The following MAP4K4 variants were observed in gnomAD, a reference collection of about 807,000 sequenced individuals.
MAP4K4 encodes the protein HPK/GCK-like kinase HGK.
Under a neutral mutation model 189.6 loss-of-function variants are expected in MAP4K4, and 38 were observed. That is an observed-to-expected ratio of 0.20 (90% CI 0.15 to 0.26). The LOEUF (loss-of-function observed/expected upper bound fraction) is 0.26. Ranked by LOEUF, MAP4K4 falls within the 10% of genes least tolerant of loss-of-function variation. The pLI, the probability that MAP4K4 is intolerant of heterozygous loss-of-function variation, is 1.00. For missense variants in MAP4K4, 1,054 were observed against 1,726.9 expected, an observed-to-expected ratio of 0.61 and a Z score of 6.91; for synonymous variants, 610 against 624.3, an observed-to-expected ratio of 0.98 and a Z score of 0.34.
intron 3 of MAP4K4, among the ~76,000 whole-genome samples, chr2:101,812,371 G>A (rs111404433): frequency 0.013 from 2,022 of 152,306 alleles, 19 homozygotes; most frequent in Middle Eastern, 0.061. Context: ...CTTCGCAGAC[G>A]GAGGACATCA....
intron 29 of MAP4K4, among the ~76,000 whole-genome samples, chr2:101,886,217 A>G (rs990672559): frequency 2.0e-5 from 3 of 152,218 alleles, no homozygotes; most frequent in Admixed American, 6.5e-5. Context: ...GTACCGTACT[A>G]GTTGGTTTTA....
At chr2:101,813,885 AGT>A (rs1452841186) in intron 3 of MAP4K4, among the ~76,000 whole-genome samples, 1 of 152,194 alleles carries the variant, frequency 6.6e-6, no homozygotes, top group African/African-American at 2.4e-5. Flanking sequence ...GGTCAAGTGT[AGT>A]AGTTTTTCCA....
At chr2:101,703,022 A>G (rs2039903970) in intron 2 of MAP4K4, among the ~76,000 whole-genome samples, 1 of 152,114 alleles carries the variant, frequency 6.6e-6, no homozygotes, top group Non-Finnish European at 1.5e-5. Context: ...TCAAGGAGGT[A>G]TTATTTGGAC....
chr2:101,744,177 C>T (rs1430022959), intron 2 of MAP4K4, among the ~76,000 whole-genome samples: 1 of 152,120 alleles, frequency 6.6e-6, no homozygotes, highest in African/African-American at 2.4e-5. Context: ...CTGACGTGAG[C>T]CACAGAGAGA....
intron 2 of MAP4K4, among the ~76,000 whole-genome samples, chr2:101,737,522 G>A (rs550329757): frequency 5.3e-5 from 7 of 131,072 alleles, no homozygotes; most frequent in Admixed American, 5.2e-4. Flanking sequence ...TGATGGATCA[G>A]AGTGTGAGAT....
intron 3 of MAP4K4, among the ~76,000 whole-genome samples, chr2:101,813,089 G>A (rs193039931): frequency 4.6e-5 from 7 of 152,016 alleles, no homozygotes; most frequent in African/African-American, 1.2e-4. Flanking sequence ...AGATAGTGCC[G>A]GCCTGGGTGA....
intron 28 of MAP4K4, among the ~76,000 whole-genome samples, chr2:101,884,324 A>G (rs1479474108): frequency 2.0e-5 from 3 of 152,260 alleles, no homozygotes; most frequent in African/African-American, 4.8e-5. Context: ...TATATTAGCA[A>G]TACAGATACG....
In MAP4K4 at chr2:101,892,791, G is replaced by A. The variant is rs1306687189; in HGVS notation, c.*1542G>A. On this transcript the variant is annotated 3_prime_UTR_variant, in exon 33 of 33. Coordinates refer to ENST00000324219, the Ensembl canonical transcript of MAP4K4. ...TATATTCATGACATTTGTAATAAAT[G>A]TCTTGAGAAAGAATTTGTTTCATGG... is the stretch of plus-strand genomic sequence containing the variant. 1.2e-5 allele frequency: 5 copies of A among 421,926 alleles called. No homozygotes were observed. In the Admixed American group the frequency reaches 1.3e-4, roughly 11 times the overall value. The allele number at this position is 421,926 out of a possible 1,614,324, so 26.1% of individuals were successfully genotyped here. A position where few individuals can be genotyped will look rare whatever the true frequency, so the allele number is the denominator to read the frequency against.
Position 101,797,422 on chromosome 2 carries a change from C to T in MAP4K4, c.180+6646C>T, listed in dbSNP as rs1396962110. On this transcript the variant is annotated intron_variant, in intron 3 of 32. Transcript: ENST00000324219. Reference sequence around the variant, plus strand: ...GTATCAGTTTTTGACAGTCTGTATCCCCCTCCTGCACCGCCCCCTCCCTCC... The same window carrying T: ...GTATCAGTTTTTGACAGTCTGTATCTCCCTCCTGCACCGCCCCCTCCCTCC... 5.4e-6 allele frequency: 7 copies of T among 1,286,638 alleles called. No homozygotes were observed. The East Asian group carries it at 1.7e-4, about 31-fold the overall frequency. 79.7% of individuals were successfully genotyped at this position (1,286,638 alleles called of 1,614,324 possible).
At chr2:101,809,137 T>G (rs2149113833) in intron 3 of MAP4K4, among the ~76,000 whole-genome samples, 1 of 152,298 alleles carries the variant, frequency 6.6e-6, no homozygotes, top group Non-Finnish European at 1.5e-5. Context: ...AACTACATAC[T>G]TCATGTAACT....
At chr2:101,831,878 T>C in intron 7 of MAP4K4, 27 bp downstream of exon 7, 2 of 1,610,050 alleles carry the variant, frequency 1.2e-6, no homozygotes, top group Non-Finnish European at 1.7e-6. Flanking sequence ...CCGTAGGCCT[T>C]TGCAGGGCCA....
chr2:101,830,849 C>T (rs1290236148), intron 6 of MAP4K4, among the ~76,000 whole-genome samples: 3 of 152,194 alleles, frequency 2.0e-5, no homozygotes, highest in African/African-American at 7.2e-5. Context: ...GTCCCTGGTT[C>T]CTGCACTGCC....
At chr2:101,889,091 G>A (rs986984283) in intron 32 of MAP4K4, among the ~76,000 whole-genome samples, 156 bp downstream of exon 32, 8 of 152,158 alleles carry the variant, frequency 5.3e-5, no homozygotes, top group African/African-American at 1.9e-4. Flanking sequence ...GAGGATTGGG[G>A]AATGTTTTGC....
chr2:101,891,132 G>A lies in MAP4K4; in HGVS notation c.4072-34G>A, dbSNP rs1386744978. The A allele has an allele frequency of 3.2e-6, 5 of 1,554,588 alleles. No homozygotes were observed. The Admixed American group carries it at 8.4e-5, about 26-fold the overall frequency. ...CTGGCTGGAAGTGCTTCATGACCATGGTAACCATTCCCTCTCTTTTCTTGC... is the reference window on the plus strand; with the variant it reads ...CTGGCTGGAAGTGCTTCATGACCATAGTAACCATTCCCTCTCTTTTCTTGC... On this transcript the variant is annotated intron_variant, in intron 32 of 32. Transcript: ENST00000324219.
intron 2 of MAP4K4, among the ~76,000 whole-genome samples, chr2:101,705,769 C>G (rs531266390): frequency 6.7e-4 from 102 of 152,276 alleles, no homozygotes; most frequent in African/African-American, 2.4e-3. Context: ...GAATTTGTAG[C>G]AGGGCTCTTA....
chr2:101,789,355 G>A (rs2092426717), intron 2 of MAP4K4, among the ~76,000 whole-genome samples: 1 of 152,128 alleles, frequency 6.6e-6, no homozygotes, highest in Admixed American at 6.6e-5. Context: ...AGGAAACAGG[G>A]TTCCAGGGTT....
chr2:101,792,520 TA>T (rs938990158), intron 3 of MAP4K4, among the ~76,000 whole-genome samples: 29 of 152,014 alleles, frequency 1.9e-4, no homozygotes, highest in Admixed American at 1.9e-3. Context: ...GTGATCACTG[TA>T]AAAAAAGAAG....
At chr2:101,790,900 T>C (rs2092769185) in intron 3 of MAP4K4, 124 bp downstream of exon 3, 2 of 836,310 alleles carry the variant, frequency 2.4e-6, no homozygotes, top group Non-Finnish European at 3.9e-6. Flanking sequence ...TCCTGTGACA[T>C]TGTGGGTTCA....
chr2:101,860,795 T>A, intron 15 of MAP4K4, 30 bp from the exon 16 acceptor site: 1 of 1,568,346 alleles, frequency 6.4e-7, no homozygotes, highest in Non-Finnish European at 8.7e-7. Flanking sequence ...CTACTAACAC[T>A]GAGTTATGTC....
Sources: gnomAD v4.1 joint callset for allele counts (sites outside exome capture counted in the v4.1 genomes callset) on GRCh38, gnomAD v4.1.1 for gene constraint, MANE v1.5 for transcripts, NCBI Gene and HGNC (gene_info 2026-07-23, HGNC 2026-07-21) for gene names.